Variants in LYST observed in about 807,000 individuals in gnomAD.
LYST encodes the protein lysosomal trafficking regulator.
LYST carries 192 observed loss-of-function variants against 413.6 expected under a neutral mutation model. The observed-to-expected ratio is 0.46, with a 90% CI of 0.41 to 0.52. The LOEUF is 0.52. LYST is among the 20% of genes least tolerant of loss of function. LYST has a pLI of 0.00. For missense variants in LYST, 3,815 were observed against 4,499.9 expected, an observed-to-expected ratio of 0.85 and a Z score of 4.35; for synonymous variants, 1,525 against 1,567.3, an observed-to-expected ratio of 0.97 and a Z score of 0.64.
intron 1 of LYST, among the ~76,000 whole-genome samples, chr1:235,844,619 G>T (rs766005164): frequency 1.1e-4 from 16 of 152,100 alleles, no homozygotes; most frequent in Non-Finnish European, 2.1e-4. Flanking sequence ...CCTCTAAATG[G>T]TATCCAGAAC....
At chr1:235,721,038 A>G in intron 39 of LYST, 133 bp from the exon 40 acceptor site, 1 of 822,174 alleles carries the variant, frequency 1.2e-6, no homozygotes. Flanking sequence ...TTTCTCAGTA[A>G]CATTAATGGG....
intron 1 of LYST, among the ~76,000 whole-genome samples, chr1:235,878,040 T>C (rs1230713711): frequency 1.3e-5 from 2 of 152,138 alleles, no homozygotes; most frequent in African/African-American, 4.8e-5. Flanking sequence ...CACCTTTGAA[T>C]TGGAAAGGGC....
intron 16 of LYST, among the ~76,000 whole-genome samples, chr1:235,779,937 A>G (rs74852408): frequency 0.04 from 6,085 of 152,208 alleles, 419 homozygotes; most frequent in African/African-American, 0.14. Flanking sequence ...TTCTAAGACT[A>G]TTTATGAAGG....
At chr1:235,677,013 C>T (rs939088672) in intron 50 of LYST, 78 bp downstream of exon 50, 26 of 987,512 alleles carry the variant, frequency 2.6e-5, no homozygotes, top group African/African-American at 4.8e-5. Flanking sequence ...GAGAATGGCT[C>T]GACCTAGGAG....
At chr1:235,752,268 G>T in intron 26 of LYST, 97 bp from the exon 27 acceptor site, 1 of 896,640 alleles carries the variant, frequency 1.1e-6, no homozygotes, top group Non-Finnish European at 1.8e-6. Flanking sequence ...TTAAATTCCT[G>T]TTCGACCAGC....
At chr1:235,779,536 A>G (rs989523919) in intron 16 of LYST, among the ~76,000 whole-genome samples, 3 of 152,172 alleles carry the variant, frequency 2.0e-5, no homozygotes, top group Admixed American at 2.0e-4. Context: ...CCAGGGTCAC[A>G]CTTCAGACCT....
upstream of LYST, among the ~76,000 whole-genome samples, chr1:235,868,922 T>C (rs954300470): frequency 6.6e-6 from 1 of 152,110 alleles, no homozygotes; most frequent in Non-Finnish European, 1.5e-5. Flanking sequence ...CTCGAACTCC[T>C]GACCTCAGGT....
At chr1:235,862,683 C>G (rs939491135) in intron 1 of LYST, among the ~76,000 whole-genome samples, 1 of 152,082 alleles carries the variant, frequency 6.6e-6, no homozygotes, top group Non-Finnish European at 1.5e-5. Context: ...GTAGTCCCAG[C>G]TACTCAGGAG....
At chr1:235,712,418 A>G in intron 42 of LYST, 1 of 395,880 alleles carries the variant, frequency 2.5e-6, no homozygotes, top group Non-Finnish European at 4.3e-6. Context: ...TGTAATATAT[A>G]TTATTAGATT....
intron 16 of LYST, among the ~76,000 whole-genome samples, chr1:235,780,634 T>C (rs1669768785): frequency 6.6e-6 from 1 of 151,922 alleles, no homozygotes; most frequent in African/African-American, 2.4e-5. Context: ...ATAAACTTTT[T>C]ATAGAAATAT....
intron 30 of LYST, 150 bp from the exon 31 acceptor site, chr1:235,741,778 T>C: frequency 1.5e-6 from 1 of 679,386 alleles, no homozygotes; most frequent in Non-Finnish European, 2.6e-6. Context: ...TACATATCCA[T>C]ACACATAGGA....
intron 1 of LYST, among the ~76,000 whole-genome samples, chr1:235,844,591 C>T (rs1345279908): frequency 6.6e-6 from 1 of 152,162 alleles, no homozygotes; most frequent in East Asian, 1.9e-4. Context: ...AAAGGCGTTT[C>T]CCTAACACTA....
chr1:235,737,746 G>T, intron 31 of LYST: 1 of 203,486 alleles, frequency 4.9e-6, no homozygotes, highest in Non-Finnish European at 8.8e-6. Context: ...AAATACCTGA[G>T]CTCCTAATGA....
intron 25 of LYST, among the ~76,000 whole-genome samples, chr1:235,754,523 C>G (rs533301856): frequency 6.6e-6 from 1 of 152,212 alleles, no homozygotes; most frequent in South Asian, 2.1e-4. Flanking sequence ...CCACGCCCAG[C>G]CTCACCTGTC....
At chr1:235,689,282 A>G (rs1206274993) in intron 47 of LYST, among the ~76,000 whole-genome samples, 1 of 152,124 alleles carries the variant, frequency 6.6e-6, no homozygotes, top group Admixed American at 6.5e-5. Context: ...CAATGTTTAA[A>G]TTCTTTTATA....
intron 26 of LYST, among the ~76,000 whole-genome samples, chr1:235,752,656 G>A (rs1040779345): frequency 1.3e-5 from 2 of 152,002 alleles, no homozygotes; most frequent in African/African-American, 4.8e-5. Flanking sequence ...AGAGGTAATA[G>A]ATTTGCATTT....
chr1:235,776,552 A>T (rs1212447920), intron 17 of LYST, among the ~76,000 whole-genome samples: 1 of 152,172 alleles, frequency 6.6e-6, no homozygotes, highest in African/African-American at 2.4e-5. Flanking sequence ...CAATCCCTGA[A>T]ATAGTCTATA....
chr1:235,670,841 G>A (rs1658881337), intron 50 of LYST, among the ~76,000 whole-genome samples: 1 of 152,162 alleles, frequency 6.6e-6, no homozygotes, highest in Non-Finnish European at 1.5e-5. Context: ...TCTAGTAAGA[G>A]AGGTTGAACC....
In LYST at chr1:235,830,375, C is replaced by A; in HGVS notation, c.43G>T (p.Asp15Tyr). Residue 15 changes from aspartate (D) to tyrosine (Y), a missense_variant, in exon 3 of 53, where the codon GAT becomes TAT. Physicochemically the swap from Asp to Tyr is radical, Grantham distance 160. Coordinates refer to ENST00000389793, the MANE Select transcript of LYST (RefSeq NM_000081.4). ...SNSLAREFLT[D>Y]VNRLCNAVVQ... ...ACTGCATTGCAAAGCCGGTTGACAT[C>A]GGTCAGAAATTCACGTGCCAGTGAG... 1 of 1,613,574 alleles carries A rather than the reference C, an allele frequency of 6.2e-7. No individual in the cohort carries two copies. Among genetic ancestry groups the A allele is most frequent in the Non-Finnish European group, 8.5e-7 (1 of 1,179,842 alleles).
Sources: gnomAD v4.1 joint callset for allele counts (sites outside exome capture counted in the v4.1 genomes callset) on GRCh38, gnomAD v4.1.1 for gene constraint, MANE v1.5 for transcripts, NCBI Gene and HGNC (gene_info 2026-07-23, HGNC 2026-07-21) for gene names.